USP12: variants seen among roughly 807,000 people sequenced by gnomAD.
USP12 encodes ubiquitin carboxyl-terminal hydrolase 12.
Under a neutral mutation model 45.5 loss-of-function variants are expected in USP12, and 19 were observed. That is an observed-to-expected ratio of 0.42 (90% CI 0.29 to 0.61). The LOEUF (loss-of-function observed/expected upper bound fraction) is 0.61, where lower values mean the gene tolerates loss of function less well. USP12 is among the 20% of genes least tolerant of loss of function. USP12 has a pLI of 0.22. For missense variants in USP12, 242 were observed against 447.7 expected, an observed-to-expected ratio of 0.54 and a Z score of 4.15; for synonymous variants, 149 against 148.8, an observed-to-expected ratio of 1.00 and a Z score of -0.01.
At chr13:27,136,462 C>T (rs189652501) in intron 1 of USP12, among the ~76,000 whole-genome samples, 179 of 152,308 alleles carry the variant, frequency 1.2e-3, no homozygotes, top group African/African-American at 4.1e-3. Flanking sequence ...CATGCCACTG[C>T]ACTCCAGTCT....
At chr13:27,108,403 G>T (rs1198339692) in intron 2 of USP12, among the ~76,000 whole-genome samples, 1 of 151,424 alleles carries the variant, frequency 6.6e-6, no homozygotes, top group Non-Finnish European at 1.5e-5. Flanking sequence ...GGAGAGGGGA[G>T]GGATAGCATT....
At chr13:27,121,722 A>G (rs893870016) in intron 1 of USP12, among the ~76,000 whole-genome samples, 2 of 152,110 alleles carry the variant, frequency 1.3e-5, no homozygotes, top group Admixed American at 1.3e-4. Context: ...TTAGGTGGGC[A>G]TGGTGGCAGG....
chr13:27,165,925 A>AT (rs1306593393), intron 1 of USP12, among the ~76,000 whole-genome samples: 1 of 151,558 alleles, frequency 6.6e-6, no homozygotes, highest in Non-Finnish European at 1.5e-5. Flanking sequence ...CAGAGCAAAA[A>AT]AAATAATAAT....
At chr13:27,150,466 T>C (rs1483442449) in intron 1 of USP12, among the ~76,000 whole-genome samples, 1 of 152,034 alleles carries the variant, frequency 6.6e-6, no homozygotes, top group Non-Finnish European at 1.5e-5. Flanking sequence ...GAGAAAAACA[T>C]ACCATGTTCA....
chr13:27,085,626 A>G (rs1455980753), intron 6 of USP12, among the ~76,000 whole-genome samples: 1 of 152,070 alleles, frequency 6.6e-6, no homozygotes, highest in East Asian at 1.9e-4. Context: ...GAATTGCTCA[A>G]TATCACACCA....
chr13:27,110,770 A>C (rs528691260), intron 2 of USP12, among the ~76,000 whole-genome samples: 29 of 152,328 alleles, frequency 1.9e-4, no homozygotes, highest in African/African-American at 6.5e-4. Context: ...CTGTCTTTAA[A>C]ATTGTATTTG....
chr13:27,079,512 G>C (rs1873651157), intron 6 of USP12, among the ~76,000 whole-genome samples: 1 of 152,142 alleles, frequency 6.6e-6, no homozygotes, highest in Non-Finnish European at 1.5e-5. Context: ...TAGGGGAGGA[G>C]CTGGAGGAAG....
At chr13:27,082,242 G>A (rs1416249653) in intron 6 of USP12, among the ~76,000 whole-genome samples, 3 of 152,176 alleles carry the variant, frequency 2.0e-5, no homozygotes, top group Admixed American at 1.3e-4. Context: ...AGACAATCTA[G>A]ATAACTTACT....
chr13:27,163,176 T>C (rs1170543773), intron 1 of USP12, among the ~76,000 whole-genome samples: 1 of 152,232 alleles, frequency 6.6e-6, no homozygotes, highest in African/African-American at 2.4e-5. Context: ...TATATCCTCA[T>C]GACTGTCCTC....
chr13:27,099,701 T>A (rs1874775857), intron 3 of USP12, among the ~76,000 whole-genome samples: 1 of 152,176 alleles, frequency 6.6e-6, no homozygotes, highest in Non-Finnish European at 1.5e-5. Context: ...TTTTTTCACG[T>A]TCATTATTTA....
At chr13:27,126,903 G>T (rs1005846758) in intron 1 of USP12, among the ~76,000 whole-genome samples, 1 of 152,184 alleles carries the variant, frequency 6.6e-6, no homozygotes, top group African/African-American at 2.4e-5. Flanking sequence ...TGGCACAACA[G>T]GCACAAAGCA....
chr13:27,106,025 CAGAA>C, intron 2 of USP12, 81 bp from the exon 3 acceptor site: 1 of 1,230,908 alleles, frequency 8.1e-7, no homozygotes, highest in Non-Finnish European at 1.1e-6. Context: ...TGGTTGAGAA[CAGAA>C]AGAGATGACA....
rs558513947 is a variant in USP12 at position 27,072,108 on chromosome 13, T to C, written c.933-959A>G. Among the ~76,000 whole-genome samples the C allele has an allele frequency of 2.0e-5, 3 of 152,124 alleles. No homozygotes were observed. The South Asian group carries it at 6.2e-4, about 32-fold the overall frequency. Reference sequence around the variant, plus strand: ...GAATGACACCAACAAAAATACTTTTTTTTTTTTAACTATGGAGGATGACAC... The same window carrying C: ...GAATGACACCAACAAAAATACTTTTCTTTTTTTAACTATGGAGGATGACAC... On this transcript the variant is annotated intron_variant, in intron 7 of 8. Coordinates refer to ENST00000282344, the MANE Select transcript of USP12 (RefSeq NM_182488.4).
At chr13:27,074,821 T>C (rs1372667868) in intron 7 of USP12, among the ~76,000 whole-genome samples, 1 of 152,200 alleles carries the variant, frequency 6.6e-6, no homozygotes, top group Non-Finnish European at 1.5e-5. Flanking sequence ...CATTTTAAAA[T>C]GCTTTTTACA....
At chr13:27,147,570 A>C (rs1877363814) in intron 1 of USP12, among the ~76,000 whole-genome samples, 1 of 152,210 alleles carries the variant, frequency 6.6e-6, no homozygotes, top group Admixed American at 6.5e-5. Context: ...TGTATGTCAT[A>C]AACACAAAAA....
At chr13:27,091,095 C>G (rs1451140912) in intron 4 of USP12, among the ~76,000 whole-genome samples, 2 of 151,992 alleles carry the variant, frequency 1.3e-5, no homozygotes, top group African/African-American at 2.4e-5. Flanking sequence ...AGCAACACTA[C>G]AAGATAACTG....
At chr13:27,092,283 A>AT (rs1443471418) in intron 4 of USP12, among the ~76,000 whole-genome samples, 2 of 152,314 alleles carry the variant, frequency 1.3e-5, no homozygotes, top group African/African-American at 4.8e-5. Context: ...TCAAGATATC[A>AT]TTTTTTTCCC....
chr13:27,072,574 C>A (rs771535642), intron 7 of USP12, among the ~76,000 whole-genome samples: 1 of 152,134 alleles, frequency 6.6e-6, no homozygotes, highest in African/African-American at 2.4e-5. Flanking sequence ...GAGATACCAA[C>A]AACTGCTTGC....
intron 6 of USP12, among the ~76,000 whole-genome samples, chr13:27,084,656 C>T (rs1051877295): frequency 6.6e-6 from 1 of 152,022 alleles, no homozygotes; most frequent in African/African-American, 2.4e-5. Context: ...TATCCTTTTC[C>T]CACTATGTAT....
Sources: gnomAD v4.1 joint callset for allele counts (sites outside exome capture counted in the v4.1 genomes callset) on GRCh38, gnomAD v4.1.1 for gene constraint, MANE v1.5 for transcripts, NCBI Gene and HGNC (gene_info 2026-07-23, HGNC 2026-07-21) for gene names.